Variants in ZNF432 observed in about 807,000 individuals in gnomAD.
ZNF432 encodes the protein zinc finger protein 432.
A neutral mutation model predicts 13.9 loss-of-function variants in ZNF432; 10 were observed. The observed-to-expected ratio is 0.72, with a 90% CI of 0.44 to 1.22. ZNF432 has a LOEUF of 1.22. ZNF432 is among the 50% of genes most tolerant of loss of function. ZNF432 has a pLI of 0.00. For synonymous variants in ZNF432, 247 were observed against 256.2 expected (o/e 0.96, Z 0.34); for missense variants, 793 against 796.2 (o/e 1.00, Z 0.05).
chr19:52,045,304 G>A (rs541297410), intron 2 of ZNF432, among the ~76,000 whole-genome samples: 1 of 150,996 alleles, frequency 6.6e-6, no homozygotes, highest in African/African-American at 2.4e-5. Flanking sequence ...AGTATAAGAG[G>A]ATTAGGAAGA....
Position 52,034,737 on chromosome 19 carries a change from C to G in ZNF432, c.942G>C (p.Glu314Asp). 6.2e-7 allele frequency: 1 copy of G among 1,613,484 alleles called. No individual in the cohort carries two copies. Among genetic ancestry groups the G allele is most frequent in the East Asian group, 2.2e-5 (1 of 44,868 alleles). The change falls in exon 5 of 5, where the codon GAG (glutamate) becomes GAC (aspartate). Residue 314 changes from glutamate (E) to aspartate (D), a missense_variant. Glu to Asp is a conservative substitution (Grantham distance 45). Coordinates refer to ENST00000221315, the MANE Select transcript of ZNF432 (RefSeq NM_014650.4). Reference protein sequence around the residue: ...LIVHQRNHTGEKSYICSECGK... With the variant: ...LIVHQRNHTGDKSYICSECGK... ...CACATTCACTACATATATAGGATTT[C>G]TCTCCAGTATGATTTCGCTGATGTA...
chr19:52,041,331 G>A, intron 3 of ZNF432, 149 bp downstream of exon 3: 1 of 950,422 alleles, frequency 1.1e-6, no homozygotes, highest in South Asian at 2.4e-5. Context: ...GACACTGAGG[G>A]GTGACGGTAT....
chr19:52,048,720 C>T lies in ZNF432; in HGVS notation c.-218G>A, dbSNP rs2087219691. Reference sequence around the variant, plus strand: ...CTGACTCTCCTTGGAATCGCCGCGACCTCTTAAAAGCTGAACTTACTTCCC... The same window carrying T: ...CTGACTCTCCTTGGAATCGCCGCGATCTCTTAAAAGCTGAACTTACTTCCC... On this transcript the variant is annotated 5_prime_UTR_variant, in exon 1 of 5. Coordinates refer to ENST00000221315, the MANE Select transcript of ZNF432 (RefSeq NM_014650.4). 6.5e-6 allele frequency: 1 copy of T among 152,874 alleles called. No individual in the cohort carries two copies. The highest frequency in any genetic ancestry group is 1.5e-5 in the Non-Finnish European group (1 of 68,346). 9.5% of individuals were successfully genotyped at this position (152,874 alleles called of 1,614,324 possible). A position where few individuals can be genotyped will look rare whatever the true frequency, so the allele number is the denominator to read the frequency against.
Position 52,041,421 on chromosome 19 carries a change from G to A in ZNF432, c.142+59C>T. ...CAGTAACTTCCAAGGGTAAGCAACT[G>A]AGAAAGCAAAGGCCACAGACTGGGC... On this transcript the variant is annotated intron_variant, in intron 3 of 4. Transcript: ENST00000221315. The A allele has an allele frequency of 3.3e-6, 5 of 1,517,800 alleles. No individual in the cohort carries two copies. The South Asian group carries it at 6.7e-5, about 20-fold the overall frequency. 94.0% of individuals were successfully genotyped at this position (1,517,800 alleles called of 1,614,324 possible).
intron 4 of ZNF432, among the ~76,000 whole-genome samples, chr19:52,040,185 G>A (rs962308254): frequency 6.6e-6 from 1 of 152,160 alleles, no homozygotes; most frequent in East Asian, 1.9e-4. Flanking sequence ...GACCTGGTTT[G>A]GTCTAGAACT....
intron 4 of ZNF432, among the ~76,000 whole-genome samples, chr19:52,039,918 A>C (rs1568522448): frequency 6.7e-6 from 1 of 149,044 alleles, no homozygotes; most frequent in Non-Finnish European, 1.5e-5. Context: ...TTTTTTTTTT[A>C]AGTGATACTT....
At chr19:52,046,121 G>A (rs1196439041) in intron 2 of ZNF432, among the ~76,000 whole-genome samples, 2 of 151,500 alleles carry the variant, frequency 1.3e-5, no homozygotes, top group Non-Finnish European at 2.9e-5. Flanking sequence ...AAATGCAGAA[G>A]GATATTGTAT....
Position 52,032,343 on chromosome 19 carries a change from T to C in ZNF432, c.*1377A>G, listed in dbSNP as rs2087021837. On this transcript the variant is annotated 3_prime_UTR_variant, in exon 5 of 5. Coordinates refer to ENST00000221315, the MANE Select transcript of ZNF432 (RefSeq NM_014650.4). ...ATAAGAACAGCCCGCTTTACAATTA[T>C]GGAATCATTGATAATATGATGCAAG... 6.6e-6 allele frequency: 1 copy of C among 151,984 alleles called. No homozygotes were observed. The highest frequency in any genetic ancestry group is 1.5e-5 in the Non-Finnish European group (1 of 68,030). The allele number at this position is 151,984 out of a possible 1,614,324, so 9.4% of individuals were successfully genotyped here. A position where few individuals can be genotyped will look rare whatever the true frequency, so the allele number is the denominator to read the frequency against.
rs938095294 is a variant in ZNF432 at position 52,034,620 on chromosome 19, G to A, written c.1059C>T (p.Gly353=). Residue 353 remains glycine (G), a synonymous_variant, in exon 5 of 5, where the codon GGC becomes GGT. Coordinates refer to ENST00000221315, the MANE Select transcript of ZNF432 (RefSeq NM_014650.4). ...TGATGACATAGTGTTTTGTGGTGAA[G>A]CCTTTCCCACATTCACTACAGATGT... ...KPYICSECGK[G]FTTKHYVIIH... 4 of 1,613,190 alleles carry A rather than the reference G, an allele frequency of 2.5e-6. No individual in the cohort carries two copies. The highest frequency in any genetic ancestry group is 1.3e-5 in the African/African-American group (1 of 74,790).
At position 52,032,094 on chromosome 19, in the gene ZNF432, A is replaced by G. The variant is rs1013324493; in HGVS notation, c.*1626T>C. The G allele has an allele frequency of 5.9e-5, 9 of 152,212 alleles. No homozygotes were observed. The highest frequency in any genetic ancestry group is 2.2e-4 in the African/African-American group (9 of 41,438). The allele number at this position is 152,212 out of a possible 1,614,324, so 9.4% of individuals were successfully genotyped here. On this transcript the variant is annotated 3_prime_UTR_variant, in exon 5 of 5. Coordinates refer to ENST00000221315, the MANE Select transcript of ZNF432 (RefSeq NM_014650.4). ...TTTTGTAATCTCTTGTGAATCTAGA[A>G]TTATTTCAAAACAAATTTTAGAAAA...
intron 2 of ZNF432, among the ~76,000 whole-genome samples, chr19:52,046,450 T>G (rs917992827): frequency 1.3e-5 from 2 of 152,244 alleles, no homozygotes; most frequent in Admixed American, 6.5e-5. Flanking sequence ...TCTGCCTTTA[T>G]TAGAAAGCTA....
intron 2 of ZNF432, among the ~76,000 whole-genome samples, chr19:52,044,372 C>A (rs1325951483): frequency 6.6e-6 from 1 of 150,394 alleles, no homozygotes; most frequent in East Asian, 1.9e-4. Flanking sequence ...ATGTTAAAAG[C>A]CATAAAGGAA....
intron 2 of ZNF432, among the ~76,000 whole-genome samples, chr19:52,044,290 T>G (rs2087162077): frequency 6.6e-6 from 1 of 151,882 alleles, no homozygotes; most frequent in Non-Finnish European, 1.5e-5. Context: ...CAAAAATAAG[T>G]TTTTCCTGTT....
rs780216788 is a variant in ZNF432 at position 52,034,033 on chromosome 19, C to G, written c.1646G>C (p.Gly549Ala). 33 of 1,614,128 alleles carry G rather than the reference C, an allele frequency of 2.0e-5. No homozygotes were observed. Among genetic ancestry groups the G allele is most frequent in the South Asian group, 1.4e-4 (13 of 91,084 alleles). ...AATGAGATAGCGTTTCATGGTGAAG[C>G]CTTTTCCACATTCACTGCACATAAA... Reference protein sequence around the residue: ...KPFMCSECGKGFTMKRYLIVH... With the variant: ...KPFMCSECGKAFTMKRYLIVH... The change falls in exon 5 of 5, where the codon GGC (glycine) becomes GCC (alanine). Residue 549 changes from glycine to alanine, a missense_variant. By Grantham distance (60) the Gly-to-Ala change is moderately conservative. Transcript: ENST00000221315.
chr19:52,045,864 G>A (rs2087176510), intron 2 of ZNF432, among the ~76,000 whole-genome samples: 1 of 151,256 alleles, frequency 6.6e-6, no homozygotes, highest in Non-Finnish European at 1.5e-5. Flanking sequence ...GCATGCAAGT[G>A]CACACCTGTA....
At chr19:52,036,453 C>G (rs1334302788) in intron 4 of ZNF432, among the ~76,000 whole-genome samples, 5 of 152,168 alleles carry the variant, frequency 3.3e-5, no homozygotes, top group Non-Finnish European at 7.4e-5. Flanking sequence ...TCAAAGATTA[C>G]TAACTATATG....
chr19:52,035,481 T>C (rs758177492), intron 4 of ZNF432, 41 bp from the exon 5 acceptor site: 1 of 1,452,976 alleles, frequency 6.9e-7, no homozygotes, highest in East Asian at 2.4e-5. Flanking sequence ...ATAATCTTGT[T>C]GGGGATAAAA....
At position 52,046,834 on chromosome 19, in the gene ZNF432, T is replaced by C; in HGVS notation, c.15+20A>G. ...ATCCACTATGGAATAAAGGAGAGAA[T>C]AAAATAGAGAAAAAGTCACCTGGGC... On this transcript the variant is annotated intron_variant, in intron 2 of 4. Transcript: ENST00000221315. 1 of 1,613,284 alleles carries C rather than the reference T, an allele frequency of 6.2e-7. No individual in the cohort carries two copies. Among genetic ancestry groups the C allele is most frequent in the South Asian group, 1.1e-5 (1 of 90,950 alleles).
At chr19:52,047,178 T>A (rs759047560) in intron 1 of ZNF432, 118 bp from the exon 2 acceptor site, 1 of 371,386 alleles carries the variant, frequency 2.7e-6, no homozygotes, top group African/African-American at 2.1e-5. Flanking sequence ...GTAGGCCAAA[T>A]GCCTTTCTTC....
Sources: allele counts gnomAD v4.1 joint callset (sites outside exome capture counted in the v4.1 genomes callset), GRCh38; gene constraint gnomAD v4.1.1; transcripts MANE v1.5; gene names NCBI Gene and HGNC (gene_info 2026-07-23, HGNC 2026-07-21).